GPR107: variants seen among roughly 807,000 people sequenced by gnomAD.
GPR107 encodes the protein protein GPR107.
Under a neutral mutation model 75.5 loss-of-function variants are expected in GPR107, and 31 were observed. The ratio of observed to expected loss-of-function variants is 0.41; its 90% CI spans 0.31 to 0.55. The LOEUF is 0.55. Ranked by LOEUF, GPR107 falls within the 20% of genes least tolerant of loss-of-function variation. The pLI is 0.26. For missense variants in GPR107, 572 were observed against 665.7 expected, an observed-to-expected ratio of 0.86 and a Z score of 1.55; for synonymous variants, 267 against 251.3, an observed-to-expected ratio of 1.06 and a Z score of -0.59.
At chr9:130,109,361 A>G (rs1176391169) in intron 14 of GPR107, among the ~76,000 whole-genome samples, 3 of 151,930 alleles carry the variant, frequency 2.0e-5, no homozygotes, top group South Asian at 4.2e-4. Flanking sequence ...AGTACAGATG[A>G]GGTTTCACCA....
rs563232699 is a variant in GPR107 at position 130,139,773 on chromosome 9, C to T, written c.*4652C>T. 7 of 152,360 alleles carry T rather than the reference C, an allele frequency of 4.6e-5. No homozygotes were observed. The highest frequency in any genetic ancestry group is 2.1e-4 in the South Asian group (1 of 4,828). The allele number at this position is 152,360 out of a possible 1,614,324, so 9.4% of individuals were successfully genotyped here. A position where few individuals can be genotyped will look rare whatever the true frequency, so the allele number is the denominator to read the frequency against. ...GAAGCAGCCAGATGAGGCGGTGAGCCTCCAGAAGGTCAGCCTTTGGAGCAC... is the reference window on the plus strand; with the variant it reads ...GAAGCAGCCAGATGAGGCGGTGAGCTTCCAGAAGGTCAGCCTTTGGAGCAC... On this transcript the variant is annotated 3_prime_UTR_variant, in exon 18 of 18. Coordinates refer to ENST00000347136, the MANE Select transcript of GPR107 (RefSeq NM_020960.5).
intron 1 of GPR107, among the ~76,000 whole-genome samples, chr9:130,065,365 A>G (rs1033553879): frequency 1.3e-5 from 2 of 151,674 alleles, no homozygotes; most frequent in African/African-American, 2.4e-5. Flanking sequence ...TGAACCCAGG[A>G]GGCAAAGGTT....
chr9:130,128,760 G>A lies in GPR107; in HGVS notation c.1561G>A (p.Val521Ile), dbSNP rs1037897855. The A allele has an allele frequency of 2.2e-5, 35 of 1,613,398 alleles. 1 individual carries two copies. The highest frequency in any genetic ancestry group is 3.3e-4 in the Middle Eastern group (2 of 6,082). Residue 521 changes from valine (V) to isoleucine (I), a missense_variant and splice_region_variant, in exon 17 of 18, where the codon GTT becomes ATT. Physicochemically the swap from Val to Ile is conservative, Grantham distance 29. Transcript: ENST00000347136. The part of the protein sequence containing the change: ...QEEEDLEMES[V>I]VTTSGVMESM... ...AGAAGAAGACTTGGAAATGGAGTCC[G>A]TGTAAGAAATCTTTCTTCCCTCTTC...
At position 130,139,980 on chromosome 9, in the gene GPR107, T is replaced by G. The variant is rs1832060140; in HGVS notation, c.*4859T>G. 1 of 152,216 alleles carries G rather than the reference T, an allele frequency of 6.6e-6. No homozygotes were observed. Among genetic ancestry groups the G allele is most frequent in the South Asian group, 2.1e-4 (1 of 4,816 alleles). The allele number at this position is 152,216 out of a possible 1,614,324, so 9.4% of individuals were successfully genotyped here. On this transcript the variant is annotated 3_prime_UTR_variant, in exon 18 of 18. Coordinates refer to ENST00000347136, the MANE Select transcript of GPR107 (RefSeq NM_020960.5). ...TTGCAGGTCTGTAAATAGCATTTGCTTTCCTGGTTAGAGATTGGGATGCAG... is the reference window on the plus strand; with the variant it reads ...TTGCAGGTCTGTAAATAGCATTTGCGTTCCTGGTTAGAGATTGGGATGCAG...
intron 17 of GPR107, 109 bp downstream of exon 17, chr9:130,128,870 GGTT>G: frequency 1.0e-6 from 1 of 1,003,440 alleles, no homozygotes. Context: ...CTGCAGGGGT[GGTT>G]CCTCTATTTT....
chr9:130,123,110 T>G (rs1831589354), intron 14 of GPR107, among the ~76,000 whole-genome samples: 1 of 152,228 alleles, frequency 6.6e-6, no homozygotes, highest in South Asian at 2.1e-4. Flanking sequence ...AGTGGCATGA[T>G]TTCAGCTTAC....
intron 15 of GPR107, 118 bp from the exon 16 acceptor site, chr9:130,127,365 A>G (rs1831713693): frequency 3.0e-6 from 2 of 671,002 alleles, no homozygotes; most frequent in African/African-American, 1.8e-5. Context: ...AGTGTCACAT[A>G]CTTTTCTTTG....
intron 17 of GPR107, 194 bp downstream of exon 17, chr9:130,128,955 A>C: frequency 1.9e-6 from 1 of 532,254 alleles, no homozygotes; most frequent in South Asian, 2.4e-5. Context: ...TGCCAAACCT[A>C]GCTGGGTCTT....
In GPR107 at chr9:130,127,553, A is replaced by G; in HGVS notation, c.1427A>G (p.Lys476Arg). ...AAACTCGCTGTTCCATTCCAGTGGA[A>G]GTGGCTCTACCAGGTACGCTGCTCA... The part of the protein sequence containing the change: ...LLKLAVPFQW[K>R]WLYQLLDETA... Residue 476 changes from lysine (K) to arginine (R), a missense_variant, in exon 16 of 18, where the codon AAG becomes AGG. Coordinates refer to ENST00000347136, the MANE Select transcript of GPR107 (RefSeq NM_020960.5). 3 of 1,586,772 alleles carry G rather than the reference A, an allele frequency of 1.9e-6. No homozygotes were observed. Among genetic ancestry groups the G allele is most frequent in the Non-Finnish European group, 1.7e-6 (2 of 1,154,862 alleles).
chr9:130,099,853 G>T (rs1830973279), intron 10 of GPR107, among the ~76,000 whole-genome samples: 1 of 134,522 alleles, frequency 7.4e-6, no homozygotes, highest in Admixed American at 7.6e-5. Flanking sequence ...GCCACCTGCT[G>T]ACTTGTTTCC....
chr9:130,075,688 G>A lies in GPR107; in HGVS notation c.194G>A (p.Gly65Glu), dbSNP rs1437819649. 3 of 1,609,266 alleles carry A rather than the reference G, an allele frequency of 1.9e-6. No homozygotes were observed. Among genetic ancestry groups the A allele is most frequent in the Non-Finnish European group, 2.6e-6 (3 of 1,175,744 alleles). Residue 65 changes from glycine (G) to glutamate (E), a missense_variant, in exon 2 of 18, where the codon GGG becomes GAG. Coordinates refer to ENST00000347136, the MANE Select transcript of GPR107 (RefSeq NM_020960.5). ...AACACCTTTGGCTTCTTCAAGGATG[G>A]GTACATGGTGGTGAATGTCAGTAGC... is the stretch of plus-strand genomic sequence containing the variant. ...HLNTFGFFKD[G>E]YMVVNVSSLS... is the part of the protein sequence containing the mutation.
chr9:130,077,137 C>T (rs1355297845), intron 3 of GPR107, among the ~76,000 whole-genome samples, 162 bp from the exon 4 acceptor site: 1 of 151,656 alleles, frequency 6.6e-6, no homozygotes, highest in African/African-American at 2.4e-5. Context: ...CCACCCACCT[C>T]GGCCTCCCAA....
chr9:130,095,886 C>T (rs928446051), intron 9 of GPR107, among the ~76,000 whole-genome samples: 6 of 152,146 alleles, frequency 3.9e-5, no homozygotes, highest in South Asian at 4.1e-4. Flanking sequence ...TGACCAAGGC[C>T]GCCAGGCGCA....
chr9:130,063,971 A>G lies in GPR107; in HGVS notation c.141+9898A>G, dbSNP rs556113995. On this transcript the variant is annotated intron_variant, in intron 1 of 17. Transcript: ENST00000347136. ...AGGCATGCGGCACCATGCCCAGCTAATTTTTGTATTTTTAGTAGAGACGGG... is the reference window on the plus strand; with the variant it reads ...AGGCATGCGGCACCATGCCCAGCTAGTTTTTGTATTTTTAGTAGAGACGGG... Among the ~76,000 whole-genome samples the G allele has an allele frequency of 2.0e-5, 3 of 150,908 alleles. No individual in the cohort carries two copies. In the South Asian group the frequency reaches 6.3e-4, roughly 32 times the overall value.
chr9:130,079,530 A>G (rs1437628965), intron 4 of GPR107, 100 bp from the exon 5 acceptor site: 7 of 873,512 alleles, frequency 8.0e-6, no homozygotes, highest in Middle Eastern at 3.3e-4. Context: ...GTAGAACATG[A>G]TAAGGACTGC....
chr9:130,127,711 T>G, intron 16 of GPR107, 145 bp downstream of exon 16: 1 of 596,312 alleles, frequency 1.7e-6, no homozygotes, highest in Non-Finnish European at 2.9e-6. Context: ...AAATTTTTTT[T>G]TTAGTTTTTG....
intron 17 of GPR107, among the ~76,000 whole-genome samples, chr9:130,131,585 A>G (rs1293873436): frequency 6.6e-6 from 1 of 150,646 alleles, no homozygotes; most frequent in Non-Finnish European, 1.5e-5. Flanking sequence ...GCCCCTCCTG[A>G]ATGCCAGGTC....
At chr9:130,083,634 T>C in intron 6 of GPR107, 32 bp downstream of exon 6, 2 of 1,410,050 alleles carry the variant, frequency 1.4e-6, no homozygotes, top group South Asian at 2.9e-5. Context: ...GTGCTCAGCT[T>C]TTCTGGATAT....
intron 14 of GPR107, among the ~76,000 whole-genome samples, chr9:130,118,953 C>G (rs1169118464): frequency 6.6e-6 from 1 of 152,196 alleles, no homozygotes; most frequent in Non-Finnish European, 1.5e-5. Flanking sequence ...TCTCTCTCCC[C>G]ACACTCATTC....
Sources: gnomAD v4.1 joint callset for allele counts (sites outside exome capture counted in the v4.1 genomes callset) on GRCh38, gnomAD v4.1.1 for gene constraint, MANE v1.5 for transcripts, NCBI Gene and HGNC (gene_info 2026-07-23, HGNC 2026-07-21) for gene names.